The following CHRM3 variants were observed in gnomAD, a reference collection of about 807,000 sequenced individuals.
The protein encoded by CHRM3 is muscarinic acetylcholine receptor M3.
Under a neutral mutation model 41.8 loss-of-function variants are expected in CHRM3, and 11 were observed. The observed-to-expected ratio is 0.26, with a 90% CI of 0.17 to 0.44. The LOEUF is 0.44. CHRM3 is among the 20% of genes least tolerant of loss of function. The pLI, the probability that CHRM3 is intolerant of heterozygous loss-of-function variation, is 1.00. For synonymous variants in CHRM3, 297 were observed against 301.4 expected (o/e 0.99, Z 0.15); for missense variants, 571 against 745.4 (o/e 0.77, Z 2.72).
intron 6 of CHRM3, among the ~76,000 whole-genome samples, chr1:239,903,468 A>C (rs568125359): frequency 1.3e-5 from 2 of 152,316 alleles, no homozygotes; most frequent in African/African-American, 4.8e-5. Flanking sequence ...CAGTCACCAT[A>C]ATCTAAAGCT....
chr1:239,600,524 T>C (rs1398669831), intron 3 of CHRM3, among the ~76,000 whole-genome samples: 1 of 152,048 alleles, frequency 6.6e-6, no homozygotes, highest in Non-Finnish European at 1.5e-5. Flanking sequence ...TCAGAATATA[T>C]TAAGTTGAAA....
chr1:239,758,165 T>C (rs1266275060), intron 5 of CHRM3, among the ~76,000 whole-genome samples: 1 of 152,200 alleles, frequency 6.6e-6, no homozygotes, highest in Non-Finnish European at 1.5e-5. Context: ...CTTGTCTTGA[T>C]GTAATAAGAT....
intron 6 of CHRM3, among the ~76,000 whole-genome samples, chr1:239,874,104 G>C (rs927305615): frequency 1.3e-5 from 2 of 151,568 alleles, no homozygotes; most frequent in South Asian, 4.2e-4. Flanking sequence ...AGGACAAGTG[G>C]CCTGCCAAAG....
intron 5 of CHRM3, among the ~76,000 whole-genome samples, chr1:239,700,161 A>G (rs557238536): frequency 2.0e-4 from 30 of 152,294 alleles, no homozygotes; most frequent in African/African-American, 6.3e-4. Context: ...ATCAACTTGT[A>G]TACCTTTCTA....
intron 2 of CHRM3, among the ~76,000 whole-genome samples, chr1:239,513,360 A>C: frequency 6.6e-6 from 1 of 151,950 alleles, no homozygotes; most frequent in East Asian, 1.9e-4. Flanking sequence ...TTGTTGTTTT[A>C]ACTTGGAATT....
intron 1 of CHRM3, among the ~76,000 whole-genome samples, chr1:239,448,595 G>A (rs1664321730): frequency 6.6e-6 from 1 of 152,064 alleles, no homozygotes; most frequent in Non-Finnish European, 1.5e-5. Context: ...TATCTCATAT[G>A]AGAAAAGGTT....
chr1:239,536,019 G>A (rs1658164686), intron 2 of CHRM3, among the ~76,000 whole-genome samples: 1 of 152,184 alleles, frequency 6.6e-6, no homozygotes, highest in Non-Finnish European at 1.5e-5. Context: ...AGCTGAGGGT[G>A]TGAAAGGGTA....
chr1:239,715,595 G>T (rs1662268664), intron 5 of CHRM3, among the ~76,000 whole-genome samples: 1 of 152,130 alleles, frequency 6.6e-6, no homozygotes, highest in Non-Finnish European at 1.5e-5. Context: ...AATGGGATGG[G>T]AGAGGTTGAA....
chr1:239,677,996 G>A (rs906763100), intron 4 of CHRM3, among the ~76,000 whole-genome samples, 190 bp from the exon 5 acceptor site: 3 of 152,246 alleles, frequency 2.0e-5, no homozygotes, highest in East Asian at 1.9e-4. Context: ...CGCCCTCAGC[G>A]GGATACTAAC....
intron 1 of CHRM3, among the ~76,000 whole-genome samples, chr1:239,403,856 T>C (rs978891164): frequency 4.0e-5 from 6 of 150,568 alleles, no homozygotes; most frequent in African/African-American, 1.5e-4. Context: ...ACAGGGTCTG[T>C]CAATCTGCAT....
intron 3 of CHRM3, among the ~76,000 whole-genome samples, chr1:239,566,206 C>A (rs1661350503): frequency 6.6e-6 from 1 of 152,174 alleles, no homozygotes; most frequent in Non-Finnish European, 1.5e-5. Context: ...AGCCATCACG[C>A]CCGGCCTCCA....
At chr1:239,568,147 C>T (rs963217892) in intron 3 of CHRM3, among the ~76,000 whole-genome samples, 2 of 152,122 alleles carry the variant, frequency 1.3e-5, no homozygotes, top group African/African-American at 4.8e-5. Flanking sequence ...ATCCTCCAGG[C>T]TGGTGTGGGT....
intron 5 of CHRM3, among the ~76,000 whole-genome samples, chr1:239,819,152 G>C (rs975230760): frequency 4.6e-5 from 7 of 152,150 alleles, no homozygotes; most frequent in Non-Finnish European, 1.0e-4. Context: ...CAAGCAGATA[G>C]ATTTGCGCTC....
chr1:239,400,973 C>T (rs1036504540), intron 1 of CHRM3, among the ~76,000 whole-genome samples: 2 of 152,112 alleles, frequency 1.3e-5, no homozygotes, highest in African/African-American at 4.8e-5. Context: ...CCAGGTTGTA[C>T]CATGTTGCCT....
intron 1 of CHRM3, among the ~76,000 whole-genome samples, chr1:239,479,191 C>CACAT (rs1491166457): frequency 0.16 from 1,093 of 6,852 alleles, 14 homozygotes; most frequent in African/African-American, 0.34. Context: ...TTCAAAAAAC[C>CACAT]ACACACACAC....
At chr1:239,632,470 A>T (rs554051315) in intron 4 of CHRM3, among the ~76,000 whole-genome samples, 184 bp downstream of exon 4, 3 of 152,228 alleles carry the variant, frequency 2.0e-5, no homozygotes, top group African/African-American at 4.8e-5. Context: ...TCATTTTCTC[A>T]TCAGTTTAAA....
At chr1:239,480,499 T>C (rs1666761605) in intron 1 of CHRM3, among the ~76,000 whole-genome samples, 1 of 151,296 alleles carries the variant, frequency 6.6e-6, no homozygotes. Context: ...TAATGCGAAA[T>C]GTAACTTTAT....
chr1:239,456,639 T>C (rs60374536), intron 1 of CHRM3, among the ~76,000 whole-genome samples: 9,844 of 152,200 alleles, frequency 0.065, 604 homozygotes, highest in African/African-American at 0.17. Context: ...GAAGTTTCCA[T>C]GCCAAAGTAG....
At chr1:239,621,530 T>G (rs985287557) in intron 3 of CHRM3, among the ~76,000 whole-genome samples, 1 of 152,208 alleles carries the variant, frequency 6.6e-6, no homozygotes, top group African/African-American at 2.4e-5. Flanking sequence ...TGAAAAGTGC[T>G]ACTCCAGTGA....
Sources: allele counts gnomAD v4.1 joint callset (sites outside exome capture counted in the v4.1 genomes callset), GRCh38; gene constraint gnomAD v4.1.1; transcripts MANE v1.5; gene names NCBI Gene and HGNC (gene_info 2026-07-23, HGNC 2026-07-21).